Variants in ARHGAP22 observed in about 807,000 individuals in gnomAD.
The protein encoded by ARHGAP22 is rho GTPase-activating protein 22.
In ARHGAP22, 48 loss-of-function variants were observed where a neutral mutation model predicts 59.1. The observed-to-expected ratio is 0.81, with a 90% CI of 0.64 to 1.03. ARHGAP22 has a LOEUF of 1.03. Among genes scored for constraint, ARHGAP22 ranks in the 50% least tolerant of loss-of-function variants. ARHGAP22 has a pLI of 0.00. For synonymous variants in ARHGAP22, 445 were observed against 416.4 expected (o/e 1.07, Z -0.84); for missense variants, 1,015 against 958.7 (o/e 1.06, Z -0.78).
intron 3 of ARHGAP22, among the ~76,000 whole-genome samples, chr10:48,534,145 G>A (rs1030298016): frequency 2.6e-5 from 4 of 152,230 alleles, no homozygotes; most frequent in Admixed American, 6.5e-5. Flanking sequence ...CGGGCCAATG[G>A]GCCTTCAGCT....
chr10:48,502,580 C>G (rs1211602028), intron 3 of ARHGAP22, among the ~76,000 whole-genome samples: 1 of 152,194 alleles, frequency 6.6e-6, no homozygotes, highest in African/African-American at 2.4e-5. Context: ...TGCTTATTGC[C>G]AGGAAGCACC....
intron 2 of ARHGAP22, among the ~76,000 whole-genome samples, chr10:48,580,361 T>C (rs1439781618): frequency 6.6e-6 from 1 of 152,118 alleles, no homozygotes; most frequent in Admixed American, 6.5e-5. Flanking sequence ...TGGAGCTAGC[T>C]GATGGGTGAG....
chr10:48,468,836 C>T (rs897344198), intron 4 of ARHGAP22, among the ~76,000 whole-genome samples: 2 of 152,086 alleles, frequency 1.3e-5, no homozygotes, highest in African/African-American at 4.8e-5. Flanking sequence ...GGAGTGGGGC[C>T]GCGGAGCTGT....
At chr10:48,457,000 C>T (rs777621065) in intron 5 of ARHGAP22, among the ~76,000 whole-genome samples, 8 of 152,078 alleles carry the variant, frequency 5.3e-5, no homozygotes, top group Non-Finnish European at 1.0e-4. Context: ...CAGCATGCGG[C>T]GACATTAGCG....
At chr10:48,627,940 C>T (rs1169541604) in intron 1 of ARHGAP22, among the ~76,000 whole-genome samples, 1 of 152,246 alleles carries the variant, frequency 6.6e-6, no homozygotes, top group Non-Finnish European at 1.5e-5. Context: ...ACTATCTATA[C>T]TTTGGTTCCT....
At chr10:48,568,160 C>G (rs1311796461) in intron 2 of ARHGAP22, among the ~76,000 whole-genome samples, 1 of 152,172 alleles carries the variant, frequency 6.6e-6, no homozygotes, top group African/African-American at 2.4e-5. Flanking sequence ...GTTAGAAGCA[C>G]TGAGCATGGC....
intron 2 of ARHGAP22, among the ~76,000 whole-genome samples, chr10:48,578,371 T>C (rs56117471): frequency 0.051 from 7,804 of 152,260 alleles, 189 homozygotes; most frequent in Middle Eastern, 0.11. Context: ...TTCCATCTAG[T>C]TGTGCTTGTG....
intron 3 of ARHGAP22, among the ~76,000 whole-genome samples, chr10:48,539,291 A>ATTTTTTTTTTTTTTTTTTTT (rs56801787): frequency 2.2e-4 from 30 of 136,286 alleles, no homozygotes; most frequent in African/African-American, 8.5e-4. Flanking sequence ...GAAGGGTAAC[A>ATTTTTTTTTTTTTTTTTTTT]TTTTTTTTTT....
intron 3 of ARHGAP22, among the ~76,000 whole-genome samples, chr10:48,515,017 T>C (rs1337973668): frequency 6.6e-6 from 1 of 152,048 alleles, no homozygotes; most frequent in Non-Finnish European, 1.5e-5. Context: ...AAAGCAGTAA[T>C]GGAGAAATAG....
chr10:48,607,622 G>A (rs1344494653), upstream of ARHGAP22, among the ~76,000 whole-genome samples: 1 of 152,156 alleles, frequency 6.6e-6, no homozygotes, highest in Non-Finnish European at 1.5e-5. Flanking sequence ...CCTCCTATAA[G>A]CTTTTATTTG....
chr10:48,586,330 T>A lies in ARHGAP22; in HGVS notation c.35-3178A>T, dbSNP rs1401063341. Among the ~76,000 whole-genome samples the A allele has an allele frequency of 2.0e-5, 3 of 152,140 alleles. No homozygotes were observed. The East Asian group carries it at 5.8e-4, about 29-fold the overall frequency. On this transcript the variant is annotated intron_variant, in intron 1 of 9. Transcript: ENST00000249601. ...TGCCAGTCAGAAAACTGGGCCCATA[T>A]GAGATAACAACACCTCACCCAGCAG...
chr10:48,612,655 C>G (rs1354020519), intron 1 of ARHGAP22, among the ~76,000 whole-genome samples: 5 of 152,252 alleles, frequency 3.3e-5, no homozygotes, highest in Admixed American at 1.3e-4. Context: ...CCTGGTCCTC[C>G]AGCTTACAAA....
chr10:48,558,339 TG>T (rs1348836636), intron 2 of ARHGAP22, among the ~76,000 whole-genome samples: 4 of 88,172 alleles, frequency 4.5e-5, no homozygotes, highest in South Asian at 2.6e-4. Flanking sequence ...TGCGATTTAA[TG>T]TTTTTTTTTT....
chr10:48,573,892 A>G (rs1022739030), intron 2 of ARHGAP22, among the ~76,000 whole-genome samples: 1 of 152,262 alleles, frequency 6.6e-6, no homozygotes. Context: ...CCATTATAGT[A>G]TGCAAGCTTT....
chr10:48,516,285 G>C (rs2053279216), intron 3 of ARHGAP22, among the ~76,000 whole-genome samples: 1 of 152,210 alleles, frequency 6.6e-6, no homozygotes, highest in Non-Finnish European at 1.5e-5. Flanking sequence ...AGCACTTTGG[G>C]AGGCCAAGGC....
At position 48,604,762 on chromosome 10, in the gene ARHGAP22, C is replaced by T. The variant is rs763350685; in HGVS notation, c.34+1G>A. The T allele has an allele frequency of 4.3e-6, 7 of 1,614,004 alleles. No homozygotes were observed. Among genetic ancestry groups the T allele is most frequent in the African/African-American group, 1.3e-5 (1 of 74,950 alleles). On this transcript the variant is annotated splice_donor_variant, in intron 1 of 9. Coordinates refer to ENST00000249601, the MANE Select transcript of ARHGAP22 (RefSeq NM_021226.4). LOFTEE classifies it high-confidence loss of function. ...GAGAAACCCCAGAAAGTTGGACTTA[C>T]CCCTCCTGGCCTGCCTGATCTTTGG...
chr10:48,555,525 T>C lies in ARHGAP22; in HGVS notation c.260A>G (p.Gln87Arg). ...PQGFISLQGT[Q>R]VTELPPGPED... The stretch of plus-strand genomic sequence containing the variant: ...GGGGCCAGGAGGAAGTTCAGTCACC[T>C]GTGTCCCTTGTAGAGAAATAAATCC... The change falls in exon 3 of 10, where the codon CAG becomes CGG. Residue 87 changes from glutamine to arginine, a missense_variant. Transcript: ENST00000249601. 1 of 1,614,226 alleles carries C rather than the reference T, an allele frequency of 6.2e-7. No homozygotes were observed. Among genetic ancestry groups the C allele is most frequent in the Non-Finnish European group, 8.5e-7 (1 of 1,180,026 alleles).
rs749765782 is a variant in ARHGAP22, at chr10:48,455,150, G to C, written c.660-16C>G. The C allele has an allele frequency of 6.3e-7, 1 of 1,594,122 alleles. No individual in the cohort carries two copies. Among genetic ancestry groups the C allele is most frequent in the African/African-American group, 1.3e-5 (1 of 74,830 alleles). ...GTCTGTTGTGCTGTGGGGGGGAAGA[G>C]GACAGGTGTGTGAGGCCTGGGATGC... On this transcript the variant is annotated splice_polypyrimidine_tract_variant and intron_variant, in intron 5 of 9. Transcript: ENST00000249601.
At chr10:48,469,581 T>C (rs554572121) in intron 4 of ARHGAP22, among the ~76,000 whole-genome samples, 120 of 152,216 alleles carry the variant, frequency 7.9e-4, no homozygotes, top group African/African-American at 2.8e-3. Flanking sequence ...ATCTAGTGGG[T>C]AGAATGCGCT....
Sources: allele counts gnomAD v4.1 joint callset (sites outside exome capture counted in the v4.1 genomes callset), GRCh38; gene constraint gnomAD v4.1.1; transcripts MANE v1.5; gene names NCBI Gene and HGNC (gene_info 2026-07-23, HGNC 2026-07-21).